PREX1: variants seen among roughly 807,000 people sequenced by gnomAD.
PREX1 encodes phosphatidylinositol-3,4,5-trisphosphate dependent Rac exchange factor 1, also known as phosphatidylinositol 3,4,5-trisphosphate-dependent Rac exchanger 1 protein.
A neutral mutation model predicts 198.3 loss-of-function variants in PREX1; 41 were observed. That is an observed-to-expected ratio of 0.21 (90% CI 0.16 to 0.27). The LOEUF is 0.27. PREX1 is among the 10% of genes least tolerant of loss of function. The pLI is 1.00. For missense variants in PREX1, 1,620 were observed against 2,200.7 expected, an observed-to-expected ratio of 0.74 and a Z score of 5.28; for synonymous variants, 843 against 887.2, an observed-to-expected ratio of 0.95 and a Z score of 0.89.
At chr20:48,877,458 G>A in the PREX1 span, among the ~76,000 whole-genome samples, 1 of 152,110 alleles carries the variant, frequency 6.6e-6, no homozygotes, top group Non-Finnish European at 1.5e-5. Context: ...TTCTAACTCA[G>A]TGGTGGCTCT....
intron 5 of PREX1, among the ~76,000 whole-genome samples, chr20:48,718,503 C>T (rs1011654152): frequency 1.3e-5 from 2 of 151,926 alleles, no homozygotes; most frequent in Admixed American, 6.6e-5. Context: ...AGAGGATAAA[C>T]AGAAATCAAA....
chr20:48,724,429 C>A (rs1421976585), intron 5 of PREX1, among the ~76,000 whole-genome samples: 1 of 152,202 alleles, frequency 6.6e-6, no homozygotes, highest in Non-Finnish European at 1.5e-5. Context: ...TAGTGACTTG[C>A]CCAAGGTTAC....
rs539119166 is a variant in PREX1 at position 48,641,785 on chromosome 20, C to T, written c.3775+383G>A. Among the ~76,000 whole-genome samples the T allele has an allele frequency of 2.4e-3, 365 of 149,144 alleles. 3 individuals are homozygous for T. The highest frequency in any genetic ancestry group is 8.8e-3 in the African/African-American group (352 of 40,168). On this transcript the variant is annotated intron_variant, in intron 29 of 39. Coordinates refer to ENST00000371941, the MANE Select transcript of PREX1 (RefSeq NM_020820.4). ...CCAGCCTGAGTGATAGAGTGAGACC[C>T]TTTCTCCAAAAAACAAGAAAGAAAG...
rs562825766 is a variant in PREX1 at position 48,717,505 on chromosome 20, A to C, written c.621+8785T>G. Among the ~76,000 whole-genome samples the C allele has an allele frequency of 4.7e-3, 722 of 152,252 alleles. 3 individuals carry two copies. Among genetic ancestry groups the C allele is most frequent in the Non-Finnish European group, 7.1e-3 (482 of 68,026 alleles). ...GATACCCACCACCACTTTAAAAAAA[A>C]AAAAAAAGGAAAAGAAAACAAGAAG... is the stretch of plus-strand genomic sequence containing the variant. On this transcript the variant is annotated intron_variant, in intron 5 of 39. Coordinates refer to ENST00000371941, the MANE Select transcript of PREX1 (RefSeq NM_020820.4).
At chr20:48,858,828 C>G in the PREX1 span, among the ~76,000 whole-genome samples, 1 of 152,334 alleles carries the variant, frequency 6.6e-6, no homozygotes, top group East Asian at 1.9e-4. Context: ...TAATAATTCA[C>G]TTTTATTGAG....
chr20:48,878,738 G>A, the PREX1 span, among the ~76,000 whole-genome samples: 6,840 of 152,220 alleles, frequency 0.045, 239 homozygotes, highest in African/African-American at 0.094. Context: ...AGAGATGGAC[G>A]TGTGACTTAG....
chr20:48,738,407 G>A (rs2090066269), intron 3 of PREX1, among the ~76,000 whole-genome samples: 1 of 152,200 alleles, frequency 6.6e-6, no homozygotes, highest in African/African-American at 2.4e-5. Context: ...CTTGAGGCTT[G>A]GAGAAGTTAA....
chr20:48,645,342 T>C (rs767062163), intron 26 of PREX1, among the ~76,000 whole-genome samples: 2 of 152,224 alleles, frequency 1.3e-5, no homozygotes, highest in African/African-American at 2.4e-5. Flanking sequence ...TTACCCATTA[T>C]ATGGCTTATT....
intron 1 of PREX1, among the ~76,000 whole-genome samples, chr20:48,769,785 T>C (rs1165088505): frequency 3.3e-5 from 5 of 152,200 alleles, no homozygotes; most frequent in African/African-American, 1.2e-4. Flanking sequence ...CATTGAAAAC[T>C]GCCACATCTT....
intron 1 of PREX1, among the ~76,000 whole-genome samples, chr20:48,804,283 C>A (rs1003587981): frequency 6.6e-6 from 1 of 152,080 alleles, no homozygotes; most frequent in Non-Finnish European, 1.5e-5. Flanking sequence ...TAAATTCTAG[C>A]GAAGGAAGAG....
Position 48,691,838 on chromosome 20 carries a change from C to A in PREX1, c.1037-742G>T, listed in dbSNP as rs1354798439. On this transcript the variant is annotated intron_variant, in intron 8 of 39. Transcript: ENST00000371941. The surrounding 1 kb of genome is among the most constrained non-coding windows in gnomAD (Gnocchi z 5.0). ...AGCTACATGCAGAGACATGGATGAA[C>A]CCCACTAACGTGGTGTTGAGTGAAA... Among the ~76,000 whole-genome samples the A allele has an allele frequency of 6.6e-6, 1 of 152,158 alleles. No homozygotes were observed. Among genetic ancestry groups the A allele is most frequent in the East Asian group, 1.9e-4 (1 of 5,204 alleles).
intron 3 of PREX1, among the ~76,000 whole-genome samples, chr20:48,737,688 G>A (rs940881321): frequency 6.6e-6 from 1 of 152,112 alleles, no homozygotes; most frequent in Non-Finnish European, 1.5e-5. Context: ...AAGCTGGGCC[G>A]CAAGAGCCCG....
At chr20:48,729,768 T>C (rs1448913921) in intron 4 of PREX1, among the ~76,000 whole-genome samples, 1 of 152,202 alleles carries the variant, frequency 6.6e-6, no homozygotes, top group Non-Finnish European at 1.5e-5. Flanking sequence ...GCCCGGACAT[T>C]GCAGTAGCCC....
At chr20:48,798,591 C>T (rs1568868164) in intron 1 of PREX1, among the ~76,000 whole-genome samples, 1 of 152,250 alleles carries the variant, frequency 6.6e-6, no homozygotes, top group South Asian at 2.1e-4. Context: ...TCCTTTCCCA[C>T]CTCCCAGCCC....
At chr20:48,638,234 C>G (rs1042237905) in intron 30 of PREX1, among the ~76,000 whole-genome samples, 2 of 152,164 alleles carry the variant, frequency 1.3e-5, no homozygotes, top group African/African-American at 4.8e-5. Context: ...ACAGCAGACA[C>G]ACAAGTGCAC....
intron 3 of PREX1, among the ~76,000 whole-genome samples, chr20:48,736,046 C>T (rs569925883): frequency 3.3e-5 from 5 of 152,304 alleles, no homozygotes; most frequent in South Asian, 2.1e-4. Flanking sequence ...TTGGTTTCCT[C>T]ACCTGCAAAA....
intron 4 of PREX1, among the ~76,000 whole-genome samples, chr20:48,730,586 T>C (rs942613481): frequency 2.0e-5 from 3 of 152,018 alleles, no homozygotes; most frequent in Middle Eastern, 3.2e-3. Context: ...TCTGGAGTGA[T>C]GGGAATGTTC....
intron 7 of PREX1, among the ~76,000 whole-genome samples, chr20:48,693,188 G>GTCCGTCCGTCCA (rs1555835929): frequency 1.8e-3 from 270 of 150,920 alleles, no homozygotes; most frequent in African/African-American, 5.8e-3. Context: ...CTGGCAGTCC[G>GTCCGTCCGTCCA]TCCATCCATC....
intron 1 of PREX1, among the ~76,000 whole-genome samples, chr20:48,763,341 C>A (rs1601120854): frequency 6.6e-6 from 1 of 152,220 alleles, no homozygotes; most frequent in Non-Finnish European, 1.5e-5. Flanking sequence ...ACAGTGGTGG[C>A]TGGGAACAGG....
Sources: gnomAD v4.1 joint callset for allele counts (sites outside exome capture counted in the v4.1 genomes callset) on GRCh38, gnomAD v4.1.1 for gene constraint, Gnocchi (gnomAD v3.1) non-coding constraint, MANE v1.5 for transcripts, NCBI Gene and HGNC (gene_info 2026-07-23, HGNC 2026-07-21) for gene names.